Variants in MAP4K5 observed in about 807,000 individuals in gnomAD.
MAP4K5 encodes the protein MAPK/ERK kinase kinase kinase 5.
A neutral mutation model predicts 135.6 loss-of-function variants in MAP4K5; 82 were observed. That is an observed-to-expected ratio of 0.60 (90% CI 0.51 to 0.73). The LOEUF (loss-of-function observed/expected upper bound fraction) is 0.73, where lower values mean the gene tolerates loss of function less well. Among genes scored for constraint, MAP4K5 ranks in the 30% least tolerant of loss-of-function variants. The pLI is 0.00. For synonymous variants in MAP4K5, 347 were observed against 335.0 expected (o/e 1.04, Z -0.39); for missense variants, 907 against 1,010.9 (o/e 0.90, Z 1.39).
chr14:50,551,448 AAAG>A (rs1417615344), intron 1 of MAP4K5, among the ~76,000 whole-genome samples: 7 of 152,200 alleles, frequency 4.6e-5, no homozygotes, highest in Admixed American at 2.0e-4. Context: ...TCAGACATTC[AAAG>A]AAGAATTGGT....
At chr14:50,440,541 C>T in intron 21 of MAP4K5, 100 bp from the exon 22 acceptor site, 1 of 587,876 alleles carries the variant, frequency 1.7e-6, no homozygotes, top group Admixed American at 3.4e-5. Context: ...GAATTAGCCA[C>T]CTATCCATCT....
intron 11 of MAP4K5, among the ~76,000 whole-genome samples, chr14:50,465,974 C>T (rs879270832): frequency 5.9e-5 from 9 of 151,812 alleles, no homozygotes; most frequent in African/African-American, 1.5e-4. Context: ...CTCGGGAGGC[C>T]GAGACAGGAG....
In MAP4K5 at chr14:50,504,825, T is replaced by C; in HGVS notation, c.141A>G (p.Ala47=). ...CAGGCTCCAATTTAATGATTTTTAC[T>C]GCAGCCAGCTCTCCTGTGTGTACAT... The part of the protein sequence containing the change: ...ARNVHTGELA[A]VKIIKLEPGD... The change falls in exon 3 of 33, where the codon GCA becomes GCG. Residue 47 remains alanine (A), a synonymous_variant. Coordinates refer to ENST00000682126, the MANE Select transcript of MAP4K5 (RefSeq NM_006575.6). 6.4e-7 allele frequency: 1 copy of C among 1,557,894 alleles called. No individual in the cohort carries two copies. The highest frequency in any genetic ancestry group is 8.7e-7 in the Non-Finnish European group (1 of 1,150,616).
At chr14:50,454,365 G>A (rs1389764976) in intron 14 of MAP4K5, among the ~76,000 whole-genome samples, 1 of 152,100 alleles carries the variant, frequency 6.6e-6, no homozygotes, top group African/African-American at 2.4e-5. Context: ...TTAGCTGGGT[G>A]GTAGTTATAT....
At chr14:50,483,171 A>G (rs773176671) in intron 5 of MAP4K5, 1 of 152,198 alleles carries the variant, frequency 6.6e-6, no homozygotes, top group Non-Finnish European at 1.5e-5. Context: ...TCAAGATGCT[A>G]TTTCTTTAGT....
chr14:50,466,470 GAA>G (rs1487148247), intron 11 of MAP4K5, 111 bp downstream of exon 11: 1 of 455,766 alleles, frequency 2.2e-6, no homozygotes, highest in Non-Finnish European at 4.1e-6. Context: ...GTAACTTTGA[GAA>G]AACTGCTTAA....
chr14:50,436,377 A>G (rs1243355873), intron 26 of MAP4K5, among the ~76,000 whole-genome samples: 1 of 152,144 alleles, frequency 6.6e-6, no homozygotes, highest in African/African-American at 2.4e-5. Flanking sequence ...ACTGGATAAT[A>G]TAACAATAAT....
chr14:50,426,019 G>C, intron 30 of MAP4K5, 42 bp from the exon 31 acceptor site: 1 of 1,231,386 alleles, frequency 8.1e-7, no homozygotes, highest in East Asian at 2.4e-5. Flanking sequence ...ATAAAGCACA[G>C]AGCATTTCAC....
chr14:50,527,933 G>T (rs901708974), intron 2 of MAP4K5, among the ~76,000 whole-genome samples: 8 of 152,170 alleles, frequency 5.3e-5, no homozygotes, highest in South Asian at 2.1e-4. Flanking sequence ...TTTGGATAAG[G>T]GCTGCCCAAA....
chr14:50,519,941 T>G (rs1446012662), intron 2 of MAP4K5, among the ~76,000 whole-genome samples: 2 of 152,212 alleles, frequency 1.3e-5, no homozygotes, highest in East Asian at 3.8e-4. Flanking sequence ...AAAAGATGTC[T>G]TTAAAAATAT....
chr14:50,444,632 T>C (rs938066595), intron 18 of MAP4K5, among the ~76,000 whole-genome samples: 2 of 152,292 alleles, frequency 1.3e-5, no homozygotes. Context: ...TTCCCCATCT[T>C]TATCTCCCTC....
chr14:50,540,899 A>G (rs1449624093), intron 2 of MAP4K5, among the ~76,000 whole-genome samples: 2 of 152,242 alleles, frequency 1.3e-5, no homozygotes, highest in African/African-American at 2.4e-5. Context: ...CATTAAAGAT[A>G]TGAAAGATAC....
At chr14:50,533,494 CG>C (rs1310583281), upstream of MAP4K5, 1 of 151,994 alleles carries the variant, frequency 6.6e-6, no homozygotes, top group African/African-American at 2.4e-5. Flanking sequence ...AACAGGAGTT[CG>C]GGGAAGTAAT....
At chr14:50,547,631 G>A (rs1352265796) in intron 1 of MAP4K5, among the ~76,000 whole-genome samples, 3 of 152,178 alleles carry the variant, frequency 2.0e-5, no homozygotes, top group African/African-American at 7.2e-5. Context: ...TAACAGCCCT[G>A]TGTGGCCTGT....
chr14:50,447,535 T>C (rs909755008), intron 15 of MAP4K5, 54 bp from the exon 16 acceptor site: 4 of 966,628 alleles, frequency 4.1e-6, no homozygotes, highest in African/African-American at 1.7e-5. Flanking sequence ...GTATTAACCA[T>C]TTTATTTGAT....
In MAP4K5 at chr14:50,446,090, G is replaced by T; in HGVS notation, c.1174C>A (p.Leu392Ile). The stretch of plus-strand genomic sequence containing the variant: ...ATTAAGTAGCTCACCTTAGGAGGTA[G>T]GGGAGGTGGTATTGCACGTTTTGAG... ...STSKRAIPPP[L>I]PPKPRISSYP... Residue 392 changes from leucine to isoleucine, a missense_variant, in exon 17 of 33, where the codon CTA (leucine) becomes ATA (isoleucine). By Grantham distance (5) the Leu-to-Ile change is conservative. Coordinates refer to ENST00000682126, the MANE Select transcript of MAP4K5 (RefSeq NM_006575.6). The T allele has an allele frequency of 6.4e-7, 1 of 1,569,328 alleles. No homozygotes were observed. The highest frequency in any genetic ancestry group is 8.6e-7 in the Non-Finnish European group (1 of 1,159,844).
Position 50,434,944 on chromosome 14 carries a change from G to A in MAP4K5, c.1986+18C>T, listed in dbSNP as rs757155237. ...AGTGTTTTCTAAAGGAAAAAAATGT[G>A]AACAAAATAATATATACCTTTATCA... On this transcript the variant is annotated intron_variant, in intron 27 of 32. Transcript: ENST00000682126. 6.5e-7 allele frequency: 1 copy of A among 1,527,850 alleles called. No individual in the cohort carries two copies. The highest frequency in any genetic ancestry group is 9.0e-7 in the Non-Finnish European group (1 of 1,112,538). The allele number at this position is 1,527,850 out of a possible 1,614,324, so 94.6% of individuals were successfully genotyped here.
intron 32 of MAP4K5, among the ~76,000 whole-genome samples, chr14:50,420,450 GC>G (rs2035700241): frequency 6.6e-6 from 1 of 151,626 alleles, no homozygotes; most frequent in African/African-American, 2.4e-5. Flanking sequence ...GAGCAAGATG[GC>G]AAGACCCCAA....
At chr14:50,458,561 C>A (rs999954834) in intron 13 of MAP4K5, among the ~76,000 whole-genome samples, 2 of 152,154 alleles carry the variant, frequency 1.3e-5, no homozygotes, top group Non-Finnish European at 2.9e-5. Flanking sequence ...AAAGCCAAAA[C>A]TAGTTTAACT....
Sources: allele counts gnomAD v4.1 joint callset (sites outside exome capture counted in the v4.1 genomes callset), GRCh38; gene constraint gnomAD v4.1.1; transcripts MANE v1.5; gene names NCBI Gene and HGNC (gene_info 2026-07-23, HGNC 2026-07-21).